HK1: variants seen among roughly 807,000 people sequenced by gnomAD.
The protein encoded by HK1 is hexokinase 1.
In HK1, 28 loss-of-function variants were observed where a neutral mutation model predicts 91.6. That is an observed-to-expected ratio of 0.31 (90% CI 0.23 to 0.42). The LOEUF (loss-of-function observed/expected upper bound fraction) is 0.42, where lower values mean the gene tolerates loss of function less well. Ranked by LOEUF, HK1 falls within the 10% of genes least tolerant of loss-of-function variation. The probability of loss-of-function intolerance (pLI) is 1.00; values close to 1 mark genes in which losing one functional copy is unlikely to be tolerated. For missense variants in HK1, 770 were observed against 1,219.8 expected (o/e 0.63, Z 5.49); for synonymous variants, 430 against 468.1 (o/e 0.92, Z 1.05).
chr10:69,346,474 A>T (rs564342108), intron 2 of HK1, among the ~76,000 whole-genome samples: 1 of 152,252 alleles, frequency 6.6e-6, no homozygotes, highest in East Asian at 1.9e-4. Context: ...GATACCTATC[A>T]GCCCATTTTT....
chr10:69,377,603 A>G (rs1411499859), intron 8 of HK1, among the ~76,000 whole-genome samples: 4 of 152,220 alleles, frequency 2.6e-5, no homozygotes, highest in Non-Finnish European at 5.9e-5. Context: ...AGGATTGGGA[A>G]TATGGCACAT....
intron 16 of HK1, among the ~76,000 whole-genome samples, chr10:69,396,749 T>C (rs1425942625): frequency 6.6e-6 from 1 of 152,216 alleles, no homozygotes; most frequent in East Asian, 1.9e-4. Flanking sequence ...TGGTGCAAAC[T>C]TGGCTCGCCA....
At chr10:69,300,895 C>T (rs1337128026) in intron 5 of HK1, 1 of 1,036,384 alleles carries the variant, frequency 9.6e-7, no homozygotes, top group Admixed American at 1.9e-5. Context: ...CCACAAAAAC[C>T]TATTAGAACT....
At chr10:69,320,487 C>T (rs187895844) in intron 1 of HK1, among the ~76,000 whole-genome samples, 6 of 152,120 alleles carry the variant, frequency 3.9e-5, no homozygotes, top group Non-Finnish European at 7.4e-5. Flanking sequence ...TGGCCACTGA[C>T]CTGGGAGCTG....
Position 69,381,808 on chromosome 10 carries a change from C to T in HK1, c.1266-679C>T, listed in dbSNP as rs564030237. On this transcript the variant is annotated intron_variant, in intron 9 of 17. Coordinates refer to ENST00000359426, the MANE Select transcript of HK1 (RefSeq NM_000188.3). Reference sequence around the variant, plus strand: ...ACCTCAGGTGATCCACCTGCCTTGGCCTCCCAAAGTACTGGGATTACAGGC... The same window carrying T: ...ACCTCAGGTGATCCACCTGCCTTGGTCTCCCAAAGTACTGGGATTACAGGC... Among the ~76,000 whole-genome samples the T allele has an allele frequency of 3.9e-5, 6 of 152,338 alleles. No individual in the cohort carries two copies. In the South Asian group the frequency reaches 1.0e-3, roughly 26 times the overall value.
intron 1 of HK1, among the ~76,000 whole-genome samples, chr10:69,273,320 A>G (rs373541432): frequency 6.6e-6 from 1 of 152,106 alleles, no homozygotes; most frequent in Non-Finnish European, 1.5e-5. Flanking sequence ...AATTCATGCC[A>G]TTCTCCTGCC....
At chr10:69,385,720 A>G (rs1166306497) in intron 12 of HK1, among the ~76,000 whole-genome samples, 1 of 152,168 alleles carries the variant, frequency 6.6e-6, no homozygotes, top group East Asian at 1.9e-4. Context: ...AAACCAGTTA[A>G]TCCAGTTACA....
chr10:69,283,578 C>A (rs545915686), intron 2 of HK1, among the ~76,000 whole-genome samples: 1 of 151,100 alleles, frequency 6.6e-6, no homozygotes, highest in Non-Finnish European at 1.5e-5. Context: ...GTCAGGAGTT[C>A]GAGACCAGCC....
chr10:69,313,235 G>A (rs578183513), upstream of HK1, among the ~76,000 whole-genome samples: 9 of 152,282 alleles, frequency 5.9e-5, no homozygotes, highest in Non-Finnish European at 1.2e-4. Context: ...CCTTACAGGC[G>A]CCAGTCAGCA....
At chr10:69,271,652 C>T (rs777032619) in intron 1 of HK1, among the ~76,000 whole-genome samples, 3 of 151,414 alleles carry the variant, frequency 2.0e-5, no homozygotes, top group South Asian at 2.1e-4. Context: ...TAATTTTTTG[C>T]ATTTTTATTA....
intron 4 of HK1, among the ~76,000 whole-genome samples, chr10:69,299,356 G>GTTTTT (rs869272971): frequency 1.5e-5 from 2 of 132,002 alleles, no homozygotes; most frequent in African/African-American, 5.6e-5. Context: ...TTTGTTTGTG[G>GTTTTT]TTTTTGTTTG....
In HK1 at chr10:69,376,530, C is replaced by T. The variant is rs1371877378; in HGVS notation, c.876-404C>T. On this transcript the variant is annotated intron_variant, in intron 7 of 17. Coordinates refer to ENST00000359426, the MANE Select transcript of HK1 (RefSeq NM_000188.3). ...AAATAAATAAATAAGTAAATACATACATACGTACATACATAAAGATAAAAA... is the reference window on the plus strand; with the variant it reads ...AAATAAATAAATAAGTAAATACATATATACGTACATACATAAAGATAAAAA... 3.9e-5 allele frequency among the ~76,000 whole-genome samples: 6 copies of T among 152,256 alleles called. No homozygotes were observed. The East Asian group carries it at 9.6e-4, about 24-fold the overall frequency.
chr10:69,280,641 C>T (rs966779801), intron 1 of HK1, among the ~76,000 whole-genome samples: 1 of 152,124 alleles, frequency 6.6e-6, no homozygotes, highest in Non-Finnish European at 1.5e-5. Context: ...GCTTGTCTGC[C>T]CCTTCTACCA....
rs1271998500 is a variant in HK1 at position 69,325,090 on chromosome 10, T to C, written c.63+6080T>C. Among the ~76,000 whole-genome samples, 15 of 148,506 alleles carry C rather than the reference T, an allele frequency of 1.0e-4. 1 individual carries two copies. The highest frequency in any genetic ancestry group is 6.1e-4 in the East Asian group (3 of 4,910). On this transcript the variant is annotated intron_variant, in intron 1 of 17. Transcript: ENST00000359426. ...TTTTGAGATGGAGTCTTCGCTCTGT[T>C]GCCCAGGCTGGAGTGCAGTGGCACG... is the stretch of plus-strand genomic sequence containing the variant.
At chr10:69,339,666 G>GAGC (rs1848197327) in intron 1 of HK1, among the ~76,000 whole-genome samples, 2 of 152,230 alleles carry the variant, frequency 1.3e-5, no homozygotes, top group African/African-American at 4.8e-5. Context: ...TCTGTGTGCT[G>GAGC]AGCTGCACCT....
chr10:69,332,642 G>T (rs572780176), intron 1 of HK1, among the ~76,000 whole-genome samples: 1 of 152,192 alleles, frequency 6.6e-6, no homozygotes, highest in South Asian at 2.1e-4. Flanking sequence ...CTCCCAAAGT[G>T]CTGGGATTAC....
At chr10:69,376,649 G>A (rs540101955) in intron 7 of HK1, among the ~76,000 whole-genome samples, 67 of 152,200 alleles carry the variant, frequency 4.4e-4, no homozygotes, top group African/African-American at 1.5e-3. Flanking sequence ...AAATCCAAAC[G>A]CTCCCCCTGC....
intron 1 of HK1, among the ~76,000 whole-genome samples, chr10:69,329,517 C>A (rs1320832662): frequency 6.6e-6 from 1 of 152,056 alleles, no homozygotes; most frequent in East Asian, 1.9e-4. Flanking sequence ...CTTGGAAAAC[C>A]CCTGCTTTTA....
chr10:69,309,078 G>A (rs1391895607), intron 5 of HK1, among the ~76,000 whole-genome samples: 2 of 152,184 alleles, frequency 1.3e-5, no homozygotes, highest in African/African-American at 4.8e-5. Flanking sequence ...GGAAGGCCAA[G>A]TCAGGAGGAT....
Sources: allele counts gnomAD v4.1 joint callset (sites outside exome capture counted in the v4.1 genomes callset), GRCh38; gene constraint gnomAD v4.1.1; transcripts MANE v1.5; gene names NCBI Gene and HGNC (gene_info 2026-07-23, HGNC 2026-07-21).